The following BRI3 variants were observed in gnomAD, a reference collection of about 807,000 sequenced individuals.
BRI3 encodes the protein brain protein I3.
A neutral mutation model predicts 12.8 loss-of-function variants in BRI3; 6 were observed. The ratio of observed to expected loss-of-function variants is 0.47; its 90% CI spans 0.26 to 0.93. BRI3 has a LOEUF of 0.93. BRI3 is among the 40% of genes least tolerant of loss of function. BRI3 has a pLI of 0.15. For missense variants in BRI3, 134 were observed against 171.1 expected (o/e 0.78, Z 1.21); for synonymous variants, 91 against 76.1 (o/e 1.20, Z -1.02).
chr7:98,306,581 C>G, exon 1 of BRI3: 1 of 1,612,046 alleles, frequency 6.2e-7, no homozygotes, highest in Non-Finnish European at 8.5e-7. Context: ...CCTCCCTGAA[C>G]AACCTGGTGA....
the BRI3 span, among the ~76,000 whole-genome samples, chr7:98,319,039 A>G: frequency 2.0e-5 from 3 of 151,958 alleles, no homozygotes; most frequent in East Asian, 5.8e-4. Flanking sequence ...CATGAAATGC[A>G]CCTTAGCAGC....
chr7:98,316,480 AG>A, the BRI3 span, among the ~76,000 whole-genome samples: 1 of 152,230 alleles, frequency 6.6e-6, no homozygotes, highest in Non-Finnish European at 1.5e-5. Context: ...TACTTAACTC[AG>A]GGAAACTCTA....
the BRI3 span, among the ~76,000 whole-genome samples, chr7:98,319,062 G>A: frequency 1.9e-3 from 294 of 152,228 alleles, no homozygotes; most frequent in Non-Finnish European, 3.6e-3. Context: ...TCCGGGTCCT[G>A]TGGCCTCCTG....
chr7:98,312,175 G>C (rs369077499), downstream of BRI3: 2 of 1,613,978 alleles, frequency 1.2e-6, no homozygotes, highest in East Asian at 2.2e-5. Flanking sequence ...TTATTTCTTC[G>C]ATCATATTCA....
upstream of BRI3, among the ~76,000 whole-genome samples, chr7:98,301,577 A>C (rs953609657): frequency 4.0e-5 from 6 of 151,822 alleles, no homozygotes; most frequent in African/African-American, 1.5e-4. Flanking sequence ...TCGGACTCCC[A>C]AAGTGCTGGG....
chr7:98,316,743 T>C, the BRI3 span, among the ~76,000 whole-genome samples: 1 of 152,192 alleles, frequency 6.6e-6, no homozygotes, highest in Non-Finnish European at 1.5e-5. Flanking sequence ...ATTGTATGTT[T>C]GGACCCATTA....
At chr7:98,285,263 G>T (rs934496387) in intron 2 of BRI3, among the ~76,000 whole-genome samples, 3 of 152,212 alleles carry the variant, frequency 2.0e-5, no homozygotes, top group African/African-American at 7.2e-5. Context: ...GCCCTTGGGG[G>T]GCAGAGGTGG....
upstream of BRI3, among the ~76,000 whole-genome samples, chr7:98,305,768 G>A (rs1453990561): frequency 1.3e-5 from 2 of 152,220 alleles, no homozygotes; most frequent in African/African-American, 2.4e-5. Flanking sequence ...TGGGTCTGCT[G>A]TGAGAATTAA....
Position 98,291,445 on chromosome 7 carries a change from A to G in BRI3, c.*202A>G. ...CCCGAGGCTCATGACAACTCAATAA[A>G]GCACTGCTTTTATTTTTTGCAGTCT... On this transcript the variant is annotated 3_prime_UTR_variant, in exon 3 of 3. Coordinates refer to ENST00000297290, the MANE Select transcript of BRI3 (RefSeq NM_015379.5). The G allele has an allele frequency of 7.2e-7, 1 of 1,390,266 alleles. No homozygotes were observed. The highest frequency in any genetic ancestry group is 1.5e-5 in the African/African-American group (1 of 68,604). The allele number at this position is 1,390,266 out of a possible 1,614,324, so 86.1% of individuals were successfully genotyped here. A position where few individuals can be genotyped will look rare whatever the true frequency, so the allele number is the denominator to read the frequency against.
At chr7:98,293,383 T>G (rs568939734), downstream of BRI3, 1 of 761,580 alleles carries the variant, frequency 1.3e-6, no homozygotes, top group Non-Finnish European at 2.2e-6. Flanking sequence ...CAGAGAAGCA[T>G]GATTTGCTTA....
At chr7:98,309,493 CAG>C (rs1334567215) in exon 2 of BRI3, 1 of 152,098 alleles carries the variant, frequency 6.6e-6, no homozygotes, top group African/African-American at 2.4e-5. Context: ...CAATAAGAAC[CAG>C]AGTCATCTGA....
chr7:98,287,583 A>T (rs1042477908), intron 2 of BRI3, among the ~76,000 whole-genome samples: 13 of 152,164 alleles, frequency 8.5e-5, no homozygotes, highest in African/African-American at 3.1e-4. Flanking sequence ...CCTAGCACTC[A>T]GGTGGGCCGG....
At chr7:98,292,814 G>A, downstream of BRI3, 2 of 1,509,618 alleles carry the variant, frequency 1.3e-6, no homozygotes, top group African/African-American at 1.4e-5. Context: ...CTGTGTCCTG[G>A]ATGGGCCGTG....
chr7:98,307,814 G>A, exon 2 of BRI3: 4 of 1,614,198 alleles, frequency 2.5e-6, no homozygotes, highest in Non-Finnish European at 2.5e-6. Context: ...GCGGGAAGAT[G>A]GTCTTCACTT....
At chr7:98,316,555 C>A in the BRI3 span, among the ~76,000 whole-genome samples, 1 of 152,188 alleles carries the variant, frequency 6.6e-6, no homozygotes, top group Admixed American at 6.5e-5. Flanking sequence ...ATTTATAGGG[C>A]ACATGTGATA....
exon 2 of BRI3, chr7:98,308,405 G>T: frequency 2.5e-6 from 1 of 404,518 alleles, no homozygotes. Flanking sequence ...AGGTGAGGAT[G>T]AGTTCCATTT....
At chr7:98,304,865 A>T (rs1021205673), upstream of BRI3, among the ~76,000 whole-genome samples, 12 of 136,318 alleles carry the variant, frequency 8.8e-5, 1 homozygote, top group African/African-American at 3.3e-4. Context: ...CTCACAAGAA[A>T]TTTTTTTTTT....
chr7:98,297,136 G>A (rs1233669172), downstream of BRI3, among the ~76,000 whole-genome samples: 1 of 152,214 alleles, frequency 6.6e-6, no homozygotes, highest in Non-Finnish European at 1.5e-5. Flanking sequence ...GGAGACTATA[G>A]AGCGAGGCCA....
chr7:98,304,375 G>A, upstream of BRI3: 2 of 1,613,144 alleles, frequency 1.2e-6, no homozygotes, highest in South Asian at 1.1e-5. Flanking sequence ...ACTGGTGTGG[G>A]GCTCAAACCC....
Sources: gnomAD v4.1 joint callset for allele counts (sites outside exome capture counted in the v4.1 genomes callset) on GRCh38, gnomAD v4.1.1 for gene constraint, MANE v1.5 for transcripts, NCBI Gene and HGNC (gene_info 2026-07-23, HGNC 2026-07-21) for gene names.